Variants in NFIB observed in about 807,000 individuals in gnomAD.
NFIB encodes the protein nuclear factor 1 B-type.
A neutral mutation model predicts 61.5 loss-of-function variants in NFIB; 11 were observed. That is an observed-to-expected ratio of 0.18 (90% CI 0.11 to 0.30). The LOEUF (loss-of-function observed/expected upper bound fraction) is 0.30. Ranked by LOEUF, NFIB falls within the 10% of genes least tolerant of loss-of-function variation. The pLI, the probability that NFIB is intolerant of heterozygous loss-of-function variation, is 1.00. For synonymous variants in NFIB, 260 were observed against 216.5 expected, an observed-to-expected ratio of 1.20 and a Z score of -1.76; for missense variants, 471 against 608.9, an observed-to-expected ratio of 0.77 and a Z score of 2.38.
chr9:14,303,262 T>C (rs544886437), intron 2 of NFIB, among the ~76,000 whole-genome samples: 11 of 152,318 alleles, frequency 7.2e-5, no homozygotes, highest in Admixed American at 4.6e-4. Context: ...TCATAATGAA[T>C]GCATCACATA....
intron 2 of NFIB, chr9:14,204,707 G>T (rs2049440364): frequency 1.6e-6 from 1 of 606,592 alleles, no homozygotes; most frequent in African/African-American, 1.8e-5. Context: ...AGCTCAGTTG[G>T]TGGTGATTGC....
chr9:14,358,540 A>G (rs980685800), intron 1 of NFIB, among the ~76,000 whole-genome samples: 4 of 152,202 alleles, frequency 2.6e-5, no homozygotes, highest in African/African-American at 7.2e-5. Flanking sequence ...GCCTGAAATC[A>G]TTAAAATATG....
At chr9:14,508,600 AG>A in the NFIB span, among the ~76,000 whole-genome samples, 1 of 152,252 alleles carries the variant, frequency 6.6e-6, no homozygotes, top group Admixed American at 6.5e-5. Flanking sequence ...TCACGGAGAA[AG>A]TCTATCACCA....
chr9:14,400,871 G>C (rs545863760), upstream of NFIB, among the ~76,000 whole-genome samples: 1 of 152,318 alleles, frequency 6.6e-6, no homozygotes, highest in Non-Finnish European at 1.5e-5. Flanking sequence ...CATCACTGGC[G>C]TAGGGAGGAG....
chr9:14,374,142 A>C (rs2061390343), intron 1 of NFIB, among the ~76,000 whole-genome samples: 1 of 152,242 alleles, frequency 6.6e-6, no homozygotes, highest in African/African-American at 2.4e-5. Flanking sequence ...ATATGAGTGA[A>C]TATAACATTT....
At chr9:14,517,652 T>C in the NFIB span, among the ~76,000 whole-genome samples, 2 of 152,036 alleles carry the variant, frequency 1.3e-5, no homozygotes, top group South Asian at 2.1e-4. Flanking sequence ...TGTGTGTAGA[T>C]AGGGTGATTT....
chr9:14,250,766 G>C (rs1480600476), intron 2 of NFIB, among the ~76,000 whole-genome samples: 2 of 152,196 alleles, frequency 1.3e-5, no homozygotes, highest in Non-Finnish European at 2.9e-5. Context: ...CTATGTGAGA[G>C]AAGGAATAAA....
At chr9:14,332,606 C>T (rs2060836283) in intron 1 of NFIB, among the ~76,000 whole-genome samples, 1 of 152,162 alleles carries the variant, frequency 6.6e-6, no homozygotes, top group Admixed American at 6.5e-5. Context: ...CCAAAAGGTG[C>T]TTTGGTGACA....
intron 10 of NFIB, chr9:14,102,591 G>T: frequency 2.0e-6 from 2 of 1,022,510 alleles, no homozygotes; most frequent in African/African-American, 1.6e-5. Context: ...ATGCAAACTA[G>T]TACTGTACAT....
At chr9:14,474,543 A>G in the NFIB span, among the ~76,000 whole-genome samples, 1 of 152,224 alleles carries the variant, frequency 6.6e-6, no homozygotes, top group African/African-American at 2.4e-5. Context: ...AATAGCATTT[A>G]AAGTCAAGCA....
At position 14,241,217 on chromosome 9, in the gene NFIB, T is replaced by C. The variant is rs73415741; in HGVS notation, c.563-61437A>G. ...ACCTCAAAAACTGCCTCAATAGTTA[T>C]GTATGCATAACGGACCAGGCCATTA... On this transcript the variant is annotated intron_variant, in intron 2 of 10. Transcript: ENST00000380953. 2.1e-3 allele frequency among the ~76,000 whole-genome samples: 325 copies of C among 152,314 alleles called. 2 individuals are homozygous for C. Among genetic ancestry groups the C allele is most frequent in the African/African-American group, 7.5e-3 (312 of 41,580 alleles).
intron 2 of NFIB, among the ~76,000 whole-genome samples, chr9:14,298,911 T>G (rs1358175642): frequency 6.6e-6 from 1 of 152,174 alleles, no homozygotes; most frequent in Non-Finnish European, 1.5e-5. Context: ...GTAGCAGGGT[T>G]CCTGACACCA....
chr9:14,219,381 T>TAACAAAAAAAA (rs2051351440), intron 2 of NFIB, among the ~76,000 whole-genome samples: 1 of 73,504 alleles, frequency 1.4e-5, no homozygotes, highest in East Asian at 4.0e-4. Flanking sequence ...AGCACTAGGG[T>TAACAAAAAAAA]AAAAAAAAAA....
chr9:14,315,220 G>C (rs1290941001), upstream of NFIB, among the ~76,000 whole-genome samples: 1 of 151,566 alleles, frequency 6.6e-6, no homozygotes. Flanking sequence ...GGGGGTGCGG[G>C]TTCGTCCCGG....
the NFIB span, among the ~76,000 whole-genome samples, chr9:14,511,177 T>C: frequency 6.6e-6 from 1 of 152,190 alleles, no homozygotes; most frequent in Non-Finnish European, 1.5e-5. Flanking sequence ...GAATCATGAA[T>C]GTTTACCAAT....
At chr9:14,171,305 T>C (rs1051959999) in intron 3 of NFIB, among the ~76,000 whole-genome samples, 4 of 152,232 alleles carry the variant, frequency 2.6e-5, no homozygotes, top group Non-Finnish European at 4.4e-5. Context: ...GCTAGGACTA[T>C]ATCCACCCTA....
At chr9:14,299,114 C>T (rs531648997) in intron 2 of NFIB, among the ~76,000 whole-genome samples, 13 of 152,322 alleles carry the variant, frequency 8.5e-5, no homozygotes, top group Admixed American at 2.6e-4. Flanking sequence ...TTAGCATAGG[C>T]ATAAATGTAA....
At chr9:14,466,127 C>G in the NFIB span, among the ~76,000 whole-genome samples, 4 of 152,076 alleles carry the variant, frequency 2.6e-5, no homozygotes, top group Non-Finnish European at 4.4e-5. Flanking sequence ...CACGGGTGTT[C>G]GGAGAGAGCC....
At chr9:14,471,919 G>A in the NFIB span, among the ~76,000 whole-genome samples, 1 of 152,146 alleles carries the variant, frequency 6.6e-6, no homozygotes. Flanking sequence ...TATAGTCCAG[G>A]TCTTACTGCT....
Sources: allele counts gnomAD v4.1 joint callset (sites outside exome capture counted in the v4.1 genomes callset), GRCh38; gene constraint gnomAD v4.1.1; transcripts MANE v1.5; gene names NCBI Gene and HGNC (gene_info 2026-07-23, HGNC 2026-07-21).